COL14A1: variants seen among roughly 807,000 people sequenced by gnomAD.
The protein encoded by COL14A1 is collagen type XIV alpha 1 chain.
Under a neutral mutation model 230.3 loss-of-function variants are expected in COL14A1, and 136 were observed. The observed-to-expected ratio is 0.59, with a 90% CI of 0.51 to 0.68. The LOEUF (loss-of-function observed/expected upper bound fraction) is 0.68. COL14A1 is among the 30% of genes least tolerant of loss of function. COL14A1 has a pLI of 0.00. For synonymous variants in COL14A1, 792 were observed against 784.1 expected (o/e 1.01, Z -0.17); for missense variants, 1,976 against 2,215.8 (o/e 0.89, Z 2.17).
chr8:120,299,724 A>G (rs2130020251), intron 35 of COL14A1, among the ~76,000 whole-genome samples: 1 of 152,198 alleles, frequency 6.6e-6, no homozygotes. Flanking sequence ...GTTTGAACTG[A>G]AATATTTTAC....
At chr8:120,193,780 C>G (rs764083728) in intron 5 of COL14A1, among the ~76,000 whole-genome samples, 1 of 152,210 alleles carries the variant, frequency 6.6e-6, no homozygotes, top group Non-Finnish European at 1.5e-5. Context: ...AGCCTCGCTG[C>G]CACCTTATAG....
intron 9 of COL14A1, among the ~76,000 whole-genome samples, chr8:120,204,330 T>C (rs1817362310): frequency 6.6e-6 from 1 of 152,176 alleles, no homozygotes; most frequent in Admixed American, 6.5e-5. Context: ...CACTCACTTA[T>C]ATCCCTCACT....
At chr8:120,137,885 G>A (rs756645044) in intron 1 of COL14A1, among the ~76,000 whole-genome samples, 15 of 151,546 alleles carry the variant, frequency 9.9e-5, no homozygotes, top group Non-Finnish European at 1.9e-4. Context: ...TGGGATTATG[G>A]GTGTGAGTCA....
intron 5 of COL14A1, among the ~76,000 whole-genome samples, chr8:120,193,529 G>A (rs1337538326): frequency 2.0e-4 from 31 of 152,298 alleles, no homozygotes; most frequent in African/African-American, 4.8e-4. Context: ...CAGTCTGCTC[G>A]TTCTCAGATC....
chr8:120,193,495 C>T (rs3937706), intron 5 of COL14A1, among the ~76,000 whole-genome samples: 5 of 152,142 alleles, frequency 3.3e-5, no homozygotes, highest in East Asian at 1.9e-4. Flanking sequence ...TGGGGGTCAG[C>T]GGTCAGGGAC....
At chr8:120,297,396 A>G (rs1820561832) in intron 34 of COL14A1, 115 bp from the exon 35 acceptor site, 4 of 461,324 alleles carry the variant, frequency 8.7e-6, no homozygotes, top group Non-Finnish European at 1.4e-5. Context: ...TAATTTACTT[A>G]CTGTAATGTA....
At chr8:120,324,993 A>G (rs1821609503) in intron 40 of COL14A1, among the ~76,000 whole-genome samples, 1 of 152,214 alleles carries the variant, frequency 6.6e-6, no homozygotes, top group African/African-American at 2.4e-5. Flanking sequence ...CATTTGTTCT[A>G]TAGTATGGAA....
chr8:120,125,651 A>G (rs1031382887), intron 1 of COL14A1, among the ~76,000 whole-genome samples: 1 of 152,076 alleles, frequency 6.6e-6, no homozygotes, highest in Non-Finnish European at 1.5e-5. Flanking sequence ...GTGTGGCGGG[A>G]AGAAGCTGCG....
intron 5 of COL14A1, among the ~76,000 whole-genome samples, chr8:120,184,383 T>C (rs971197803): frequency 5.5e-4 from 83 of 151,990 alleles, no homozygotes; most frequent in African/African-American, 1.9e-3. Context: ...GCTTCCTGAG[T>C]AGCTGGGATC....
At chr8:120,208,430 A>C in intron 11 of COL14A1, 69 bp downstream of exon 11, 1 of 1,515,888 alleles carries the variant, frequency 6.6e-7, no homozygotes, top group Middle Eastern at 1.8e-4. Flanking sequence ...CTTAAATTGA[A>C]ATTCTGCTCA....
At chr8:120,132,618 C>G (rs1814567478) in intron 1 of COL14A1, among the ~76,000 whole-genome samples, 1 of 149,910 alleles carries the variant, frequency 6.7e-6, no homozygotes, top group African/African-American at 2.5e-5. Context: ...ATAGCAATAA[C>G]ATTGAACCTG....
chr8:120,234,783 T>C (rs567918557), intron 19 of COL14A1, among the ~76,000 whole-genome samples: 24 of 152,306 alleles, frequency 1.6e-4, no homozygotes, highest in African/African-American at 5.8e-4. Flanking sequence ...TCTTTTTTTG[T>C]TGTGTCTCTG....
At chr8:120,135,181 A>G (rs1814668447) in intron 1 of COL14A1, among the ~76,000 whole-genome samples, 1 of 152,232 alleles carries the variant, frequency 6.6e-6, no homozygotes. Flanking sequence ...CAGCAAGTTT[A>G]TGGAAAAATA....
intron 14 of COL14A1, among the ~76,000 whole-genome samples, chr8:120,217,313 T>C (rs1287731505): frequency 6.6e-6 from 1 of 152,184 alleles, no homozygotes; most frequent in East Asian, 1.9e-4. Context: ...TTAAAACCCA[T>C]GAAGATACAG....
rs573011392 is a variant in COL14A1 at position 120,191,892 on chromosome 8, T to G, written c.437-4899T>G. On this transcript the variant is annotated intron_variant, in intron 5 of 47. Coordinates refer to ENST00000297848, the MANE Select transcript of COL14A1 (RefSeq NM_021110.4). ...CCCCTGCCTTTTTTTGTTTTCCATT[T>G]GCTTGGTAGATCTTCCTCCATCCTT... Among the ~76,000 whole-genome samples, 57 of 152,254 alleles carry G rather than the reference T, an allele frequency of 3.7e-4. No homozygotes were observed. The South Asian group carries it at 4.4e-3, about 12-fold the overall frequency.
Position 120,310,026 on chromosome 8 carries a change from A to C in COL14A1, c.4419A>C (p.Arg1473=), listed in dbSNP as rs1820980207. The change falls in exon 37 of 48, where the codon CGA becomes CGC. Residue 1473 remains arginine, a synonymous_variant. Coordinates refer to ENST00000297848, the MANE Select transcript of COL14A1 (RefSeq NM_021110.4). Reference sequence around the variant, plus strand: ...TTTGCCAGGGTGGTCCAGGACTCCGAGGACCAAAGGGCCAGCAAGGTGAAC... The same window carrying C: ...TTTGCCAGGGTGGTCCAGGACTCCGCGGACCAAAGGGCCAGCAAGGTGAAC... ...PAGPPGGPGL[R]GPKGQQGEPG... is the part of the protein sequence containing the mutation. 2 of 1,613,872 alleles carry C rather than the reference A, an allele frequency of 1.2e-6. No homozygotes were observed. Among genetic ancestry groups the C allele is most frequent in the Non-Finnish European group, 1.7e-6 (2 of 1,179,828 alleles).
chr8:120,330,436 T>C (rs775729439), intron 40 of COL14A1, among the ~76,000 whole-genome samples: 1 of 152,166 alleles, frequency 6.6e-6, no homozygotes, highest in Non-Finnish European at 1.5e-5. Flanking sequence ...CTCACAATCA[T>C]GGCAGAAGGC....
At chr8:120,168,432 A>T (rs547626662) in intron 5 of COL14A1, among the ~76,000 whole-genome samples, 185 bp downstream of exon 5, 1 of 152,148 alleles carries the variant, frequency 6.6e-6, no homozygotes, top group East Asian at 1.9e-4. Flanking sequence ...TTGGCACGTG[A>T]CCTTTCAGGC....
In COL14A1 at chr8:120,341,330, C is replaced by T. The variant is rs1586880699; in HGVS notation, c.4791C>T (p.Val1597=). Residue 1597 remains valine (V), a synonymous_variant, in exon 43 of 48, where the codon GTC becomes GTT. Coordinates refer to ENST00000297848, the MANE Select transcript of COL14A1 (RefSeq NM_021110.4). The part of the protein sequence containing the change: ...GPQGALGPPG[V]PGAKGERGER... ...ACAATTTTCCATTTATACAGGGTGT[C>T]CCTGGAGCAAAGGGGGAACGAGGAG... is the stretch of plus-strand genomic sequence containing the variant. 1.9e-6 allele frequency: 3 copies of T among 1,614,122 alleles called. No homozygotes were observed. Among genetic ancestry groups the T allele is most frequent in the East Asian group, 4.5e-5 (2 of 44,886 alleles).
Sources: allele counts gnomAD v4.1 joint callset (sites outside exome capture counted in the v4.1 genomes callset), GRCh38; gene constraint gnomAD v4.1.1; transcripts MANE v1.5; gene names NCBI Gene and HGNC (gene_info 2026-07-23, HGNC 2026-07-21).